The following CACTIN variants were observed in gnomAD, a reference collection of about 807,000 sequenced individuals.
The protein encoded by CACTIN is splicing factor Cactin.
Under a neutral mutation model 84.9 loss-of-function variants are expected in CACTIN, and 20 were observed. That is an observed-to-expected ratio of 0.24 (90% CI 0.17 to 0.34). The LOEUF (loss-of-function observed/expected upper bound fraction) is 0.34, where lower values mean the gene tolerates loss of function less well. Ranked by LOEUF, CACTIN falls within the 10% of genes least tolerant of loss-of-function variation. The pLI is 1.00. For missense variants in CACTIN, 897 were observed against 1,117.2 expected, an observed-to-expected ratio of 0.80 and a Z score of 2.81; for synonymous variants, 549 against 467.9, an observed-to-expected ratio of 1.17 and a Z score of -2.24.
rs888177323 is a variant in CACTIN, at chr19:3,612,336, T to C, written c.1864A>G (p.Ser622Gly). 12 of 1,611,964 alleles carry C rather than the reference T, an allele frequency of 7.4e-6. 1 individual carries two copies. Among genetic ancestry groups the C allele is most frequent in the Non-Finnish European group, 1.0e-5 (12 of 1,179,836 alleles). Residue 622 changes from serine (S) to glycine (G), a missense_variant, in exon 10 of 10, where the codon AGC becomes GGC. Physicochemically the swap from Ser to Gly is moderately conservative, Grantham distance 56. This residue lies in a region of CACTIN where 243 missense variants were observed against 239.9 expected (regional missense o/e 1.01). Coordinates refer to ENST00000429344, the MANE Select transcript of CACTIN (RefSeq NM_001080543.2). ...TTGCCGGTGAGTGGCATCTCCACGC[T>C]GAACTGCGCCTCGTCCTGGCCCATG... is the stretch of plus-strand genomic sequence containing the variant. Reference protein sequence around the residue: ...EGMGQDEAQFSVEMPLTGKAY... With the variant: ...EGMGQDEAQFGVEMPLTGKAY...
intron 3 of CACTIN, 45 bp downstream of exon 3, chr19:3,620,662 C>T: frequency 6.6e-7 from 1 of 1,509,908 alleles, no homozygotes; most frequent in Non-Finnish European, 9.0e-7. Flanking sequence ...GCCTCCAGGC[C>T]CTGGAAAGGG....
chr19:3,613,956 G>A, intron 7 of CACTIN: 1 of 414,526 alleles, frequency 2.4e-6, no homozygotes, highest in Admixed American at 3.9e-5. Flanking sequence ...TATTTACACA[G>A]CGGTGCCAAA....
At chr19:3,621,050 C>T (rs1485657789) in intron 2 of CACTIN, 2 of 601,374 alleles carry the variant, frequency 3.3e-6, no homozygotes, top group African/African-American at 1.8e-5. Context: ...CAACTCTCAA[C>T]AGGAGGGCCT....
In CACTIN at chr19:3,620,227, C is replaced by T. The variant is rs764248234; in HGVS notation, c.784G>A (p.Glu262Lys). Residue 262 changes from glutamate to lysine, a missense_variant, in exon 4 of 10, where the codon GAG (glutamate) becomes AAG (lysine). This residue lies in a region of CACTIN where 304 missense variants were observed against 444.3 expected (regional missense o/e 0.68). Coordinates refer to ENST00000429344, the MANE Select transcript of CACTIN (RefSeq NM_001080543.2). ...CGCTGCAGCATCTCCAGCTCCTGCT[C>T]GCGCATGGCCTTCTCCCGCTCCCGC... is the stretch of plus-strand genomic sequence containing the variant. ...LEREREKAMR[E>K]QELEMLQREK... is the part of the protein sequence containing the mutation. 3 of 1,598,954 alleles carry T rather than the reference C, an allele frequency of 1.9e-6. No homozygotes were observed. Among genetic ancestry groups the T allele is most frequent in the Non-Finnish European group, 1.7e-6 (2 of 1,175,660 alleles).
chr19:3,620,977 C>T, intron 2 of CACTIN, 175 bp from the exon 3 acceptor site: 2 of 699,872 alleles, frequency 2.9e-6, no homozygotes, highest in Non-Finnish European at 5.2e-6. Context: ...GCATCCAATT[C>T]AGTGCAGACA....
Position 3,611,684 on chromosome 19 carries a change from G to T in CACTIN, c.*239C>A. 1.7e-6 allele frequency: 1 copy of T among 577,186 alleles called. No homozygotes were observed. The highest frequency in any genetic ancestry group is 3.1e-6 in the Non-Finnish European group (1 of 324,090). 35.8% of individuals were successfully genotyped at this position (577,186 alleles called of 1,614,324 possible). A position where few individuals can be genotyped will look rare whatever the true frequency, so the allele number is the denominator to read the frequency against. On this transcript the variant is annotated 3_prime_UTR_variant, in exon 10 of 10. Coordinates refer to ENST00000429344, the MANE Select transcript of CACTIN (RefSeq NM_001080543.2). Reference sequence around the variant, plus strand: ...AGATGCCCCTAGCGCCCCCTCCGTTGCATCAGGACCCTAGGCCAGCCTGTC... The same window carrying T: ...AGATGCCCCTAGCGCCCCCTCCGTTTCATCAGGACCCTAGGCCAGCCTGTC...
chr19:3,623,348 T>C (rs1403847913), intron 2 of CACTIN, among the ~76,000 whole-genome samples: 1 of 151,832 alleles, frequency 6.6e-6, no homozygotes, highest in Non-Finnish European at 1.5e-5. Context: ...GCTAACATGG[T>C]GAAACCCTGT....
intron 6 of CACTIN, chr19:3,614,800 G>A (rs1318069712): frequency 1.0e-5 from 6 of 597,900 alleles, no homozygotes; most frequent in Non-Finnish European, 1.8e-5. Context: ...TGGGAGCCAC[G>A]TTAAGATGCA....
rs1160721486 is a variant in CACTIN at position 3,626,770 on chromosome 19, G to T, written c.-8C>A. 10 of 1,380,294 alleles carry T rather than the reference G, an allele frequency of 7.2e-6. No homozygotes were observed. The highest frequency in any genetic ancestry group is 9.4e-6 in the Non-Finnish European group (10 of 1,065,624). 85.5% of individuals were successfully genotyped at this position (1,380,294 alleles called of 1,614,324 possible). The stretch of plus-strand genomic sequence containing the variant: ...GCGTGTGTCCCGACCCATCGGCTGG[G>T]CCAGTGGCCGCGGCACCAACACCAA... On this transcript the variant is annotated 5_prime_UTR_variant, in exon 1 of 10. Coordinates refer to ENST00000429344, the MANE Select transcript of CACTIN (RefSeq NM_001080543.2).
At chr19:3,614,666 C>CA in intron 6 of CACTIN, 77 bp from the exon 7 acceptor site, 2 of 1,219,858 alleles carry the variant, frequency 1.6e-6, no homozygotes, top group Non-Finnish European at 2.3e-6. Flanking sequence ...GCCTCCTCCC[C>CA]TGCCATGGGG....
chr19:3,613,933 C>G (rs1165574232), intron 7 of CACTIN: 1 of 428,244 alleles, frequency 2.3e-6, no homozygotes, highest in Non-Finnish European at 4.2e-6. Flanking sequence ...TACAAATTAG[C>G]AGAGGAGACA....
intron 6 of CACTIN, chr19:3,616,508 C>A (rs545349571): frequency 6.6e-6 from 1 of 152,090 alleles, no homozygotes; most frequent in African/African-American, 2.4e-5. Flanking sequence ...ACTTGGGAGG[C>A]TGAGGCAGGG....
chr19:3,619,169 C>A lies in CACTIN; in HGVS notation c.958G>T (p.Asp320Tyr). 2.5e-6 allele frequency: 4 copies of A among 1,612,806 alleles called. No homozygotes were observed. The highest frequency in any genetic ancestry group is 3.4e-6 in the Non-Finnish European group (4 of 1,179,528). ...TCATGCATCTCCACGGCCAGATCGT[C>A]ATCCTCAGCGCTGATGTACTTGGCC... ...LLAKYISAED[D>Y]DLAVEMHEPY... Residue 320 changes from aspartate to tyrosine, a missense_variant, in exon 5 of 10, where the codon GAC becomes TAC. By Grantham distance (160) the Asp-to-Tyr change is radical. Around this residue, in one of 8 missense-constraint regions of CACTIN, gnomAD observed 304 missense variants for 444.3 expected, o/e 0.68. Coordinates refer to ENST00000429344, the MANE Select transcript of CACTIN (RefSeq NM_001080543.2).
In CACTIN at chr19:3,611,036, C is replaced by G. The variant is rs1009377281; in HGVS notation, c.*887G>C. 2 of 441,654 alleles carry G rather than the reference C, an allele frequency of 4.5e-6. No individual in the cohort carries two copies. The highest frequency in any genetic ancestry group is 2.0e-5 in the African/African-American group (1 of 49,786). 27.4% of individuals were successfully genotyped at this position (441,654 alleles called of 1,614,324 possible). On this transcript the variant is annotated 3_prime_UTR_variant, in exon 10 of 10. Coordinates refer to ENST00000429344, the MANE Select transcript of CACTIN (RefSeq NM_001080543.2). The stretch of plus-strand genomic sequence containing the variant: ...GGGCAAAACTCGGGGTCACTGGTCT[C>G]ATGCTCCAAGGCCCCGTGAGCAGGC...
Position 3,612,068 on chromosome 19 carries a change from T to C in CACTIN, c.2132A>G (p.His711Arg). The part of the protein sequence containing the change: ...DNKDFAILRF[H>R]AGPPYEDIAF... ...GATGTCCTCGTAGGGCGGCCCCGCG[T>C]GGAAGCGCAGGATGGCGAAATCCTT... The change falls in exon 10 of 10, where the codon CAC (histidine) becomes CGC (arginine). Residue 711 changes from histidine (H) to arginine (R), a missense_variant. By Grantham distance (29) the His-to-Arg change is conservative. Around this residue, in one of 8 missense-constraint regions of CACTIN, gnomAD observed 50 missense variants for 51.6 expected, o/e 0.97. Coordinates refer to ENST00000429344, the MANE Select transcript of CACTIN (RefSeq NM_001080543.2). The C allele has an allele frequency of 6.2e-7, 1 of 1,613,880 alleles. No homozygotes were observed. The highest frequency in any genetic ancestry group is 1.7e-5 in the Admixed American group (1 of 60,034).
Position 3,611,974 on chromosome 19 carries a change from G to C in CACTIN, c.2226C>G (p.Asn742Lys), listed in dbSNP as rs2158935. 1 of 1,613,316 alleles carries C rather than the reference G, an allele frequency of 6.2e-7. No individual in the cohort carries two copies. The highest frequency in any genetic ancestry group is 1.3e-5 in the African/African-American group (1 of 74,894). ...AGTGAAACCACAGCTGGAAGATGCC[G>C]TTGGCAAACTGGCAGCGGAAGCCGT... is the stretch of plus-strand genomic sequence containing the variant. ...HRHGFRCQFANGIFQLWFHFK... is the reference protein window; with the variant it reads ...HRHGFRCQFAKGIFQLWFHFK... The change falls in exon 10 of 10, where the codon AAC (asparagine) becomes AAG (lysine). Residue 742 changes from asparagine to lysine, a missense_variant. Asn to Lys is a moderately conservative substitution (Grantham distance 94). Around this residue, in one of 8 missense-constraint regions of CACTIN, gnomAD observed 21 missense variants for 61.8 expected, o/e 0.34. Coordinates refer to ENST00000429344, the MANE Select transcript of CACTIN (RefSeq NM_001080543.2).
intron 4 of CACTIN, among the ~76,000 whole-genome samples, chr19:3,619,606 A>G (rs1034643200): frequency 6.6e-6 from 1 of 152,156 alleles, no homozygotes; most frequent in Non-Finnish European, 1.5e-5. Context: ...CAGAGTAGTC[A>G]CTGCCTTGCA....
At position 3,620,185 on chromosome 19, in the gene CACTIN, G is replaced by T. The variant is rs1291953113; in HGVS notation, c.826C>A (p.His276Asn). 1.2e-6 allele frequency: 2 copies of T among 1,611,550 alleles called. No individual in the cohort carries two copies. ...EMLQREKEAE[H>N]FKTWEEQEDN... ...TCCTGCTCCTCCCATGTCTTGAAGTGCTCTGCCTCCTTCTCGCGCTGCAGC... is the reference window on the plus strand; with the variant it reads ...TCCTGCTCCTCCCATGTCTTGAAGTTCTCTGCCTCCTTCTCGCGCTGCAGC... Residue 276 changes from histidine to asparagine, a missense_variant, in exon 4 of 10, where the codon CAC becomes AAC. His to Asn is a moderately conservative substitution (Grantham distance 68). This residue lies in a region of CACTIN where 304 missense variants were observed against 444.3 expected (regional missense o/e 0.68). Coordinates refer to ENST00000429344, the MANE Select transcript of CACTIN (RefSeq NM_001080543.2).
intron 2 of CACTIN, 94 bp downstream of exon 2, chr19:3,623,594 G>T: frequency 1.7e-6 from 2 of 1,149,976 alleles, no homozygotes; most frequent in Non-Finnish European, 2.4e-6. Flanking sequence ...ACTCTTGCAC[G>T]ATCAAGGGCA....
Sources: gnomAD v4.1 joint callset for allele counts (sites outside exome capture counted in the v4.1 genomes callset) on GRCh38, gnomAD v4.1.1 for gene constraint, gnomAD v4.1.1 regional missense constraint, MANE v1.5 for transcripts, NCBI Gene and HGNC (gene_info 2026-07-23, HGNC 2026-07-21) for gene names.